The following ADAMTSL3 variants were observed in gnomAD, a reference collection of about 807,000 sequenced individuals.
The protein encoded by ADAMTSL3 is ADAMTS-like protein 3.
A neutral mutation model predicts 201.7 loss-of-function variants in ADAMTSL3; 128 were observed. That is an observed-to-expected ratio of 0.63 (90% CI 0.55 to 0.73). ADAMTSL3 has a LOEUF of 0.73. Ranked by LOEUF, ADAMTSL3 falls within the 30% of genes least tolerant of loss-of-function variation. ADAMTSL3 has a pLI of 0.00. For synonymous variants in ADAMTSL3, 738 were observed against 748.4 expected, an observed-to-expected ratio of 0.99 and a Z score of 0.23; for missense variants, 1,990 against 2,119.6, an observed-to-expected ratio of 0.94 and a Z score of 1.20.
intron 4 of ADAMTSL3, among the ~76,000 whole-genome samples, chr15:83,794,841 T>C (rs2063398211): frequency 6.6e-6 from 1 of 152,036 alleles, no homozygotes; most frequent in African/African-American, 2.4e-5. Context: ...TACAAATGCA[T>C]GTGATTTACA....
intron 19 of ADAMTSL3, among the ~76,000 whole-genome samples, chr15:83,957,681 A>C (rs946510015): frequency 2.6e-5 from 4 of 152,300 alleles, no homozygotes; most frequent in East Asian, 1.9e-4. Flanking sequence ...TAGAAAGAAG[A>C]AGCATATTCA....
intron 26 of ADAMTSL3, 109 bp from the exon 27 acceptor site, chr15:84,025,129 C>A: frequency 1.1e-6 from 1 of 876,836 alleles, no homozygotes. Flanking sequence ...AGACATGTGA[C>A]AGCCTAAGAT....
chr15:83,665,481 G>A (rs960046605), intron 2 of ADAMTSL3, among the ~76,000 whole-genome samples: 1 of 152,174 alleles, frequency 6.6e-6, no homozygotes, highest in African/African-American at 2.4e-5. Flanking sequence ...AAGGAAAGCA[G>A]CCAGGAGAAA....
chr15:83,839,871 C>T (rs1371151834), intron 7 of ADAMTSL3, among the ~76,000 whole-genome samples: 2 of 152,114 alleles, frequency 1.3e-5, no homozygotes, highest in Non-Finnish European at 2.9e-5. Flanking sequence ...CTCCACCTCC[C>T]TGAATTTTAT....
At chr15:84,006,265 C>A (rs1485250074) in intron 23 of ADAMTSL3, among the ~76,000 whole-genome samples, 1 of 152,084 alleles carries the variant, frequency 6.6e-6, no homozygotes, top group African/African-American at 2.4e-5. Flanking sequence ...CATGATTCCC[C>A]AGAGATAACT....
chr15:83,919,295 G>T (rs1057215003), intron 16 of ADAMTSL3, among the ~76,000 whole-genome samples: 2 of 152,134 alleles, frequency 1.3e-5, no homozygotes, highest in Non-Finnish European at 2.9e-5. Flanking sequence ...AAGTCTTGAG[G>T]AAATTCAACA....
At chr15:83,729,434 C>T (rs944637672) in intron 3 of ADAMTSL3, among the ~76,000 whole-genome samples, 24 of 145,340 alleles carry the variant, frequency 1.7e-4, no homozygotes, top group Admixed American at 1.6e-3. Context: ...AGGCATATGT[C>T]GTTATTTTTT....
intron 3 of ADAMTSL3, among the ~76,000 whole-genome samples, chr15:83,722,503 G>GA (rs2062114952): frequency 6.6e-6 from 1 of 152,138 alleles, no homozygotes; most frequent in Non-Finnish European, 1.5e-5. Context: ...TGTAGAAACA[G>GA]AAAAAATTAT....
At chr15:83,815,941 G>T (rs975246396) in intron 5 of ADAMTSL3, among the ~76,000 whole-genome samples, 1 of 152,298 alleles carries the variant, frequency 6.6e-6, no homozygotes, top group Non-Finnish European at 1.5e-5. Flanking sequence ...AGCATGATCC[G>T]GATATCAGGC....
At chr15:83,748,919 G>A (rs989888194) in intron 3 of ADAMTSL3, among the ~76,000 whole-genome samples, 1 of 152,054 alleles carries the variant, frequency 6.6e-6, no homozygotes, top group Non-Finnish European at 1.5e-5. Context: ...GGTTTTCCAG[G>A]GAGCAGACCC....
chr15:83,989,956 C>G (rs1281279168), intron 22 of ADAMTSL3, among the ~76,000 whole-genome samples: 1 of 152,204 alleles, frequency 6.6e-6, no homozygotes, highest in Non-Finnish European at 1.5e-5. Flanking sequence ...CATTTTCTCT[C>G]TTGAGACTTT....
Position 84,039,115 on chromosome 15 carries a change from G to C in ADAMTSL3, c.*1309G>C, listed in dbSNP as rs1337249045. 2.6e-5 allele frequency: 4 copies of C among 152,418 alleles called. No homozygotes were observed. Among genetic ancestry groups the C allele is most frequent in the African/African-American group, 9.7e-5 (4 of 41,428 alleles). The allele number at this position is 152,418 out of a possible 1,614,324, so 9.4% of individuals were successfully genotyped here. On this transcript the variant is annotated 3_prime_UTR_variant, in exon 30 of 30. Transcript: ENST00000286744. ...GATTTGGTTATGGGGTCTTTCCCCTGTATACTACCAGTTGTGTCTTTAGAT... is the reference window on the plus strand; with the variant it reads ...GATTTGGTTATGGGGTCTTTCCCCTCTATACTACCAGTTGTGTCTTTAGAT...
chr15:83,939,911 C>A (rs962496481), intron 17 of ADAMTSL3, among the ~76,000 whole-genome samples: 9 of 152,052 alleles, frequency 5.9e-5, no homozygotes, highest in African/African-American at 2.2e-4. Flanking sequence ...CATGAGCCAC[C>A]GCACCCCGCC....
intron 23 of ADAMTSL3, among the ~76,000 whole-genome samples, chr15:83,992,848 G>C (rs1376664098): frequency 6.6e-6 from 1 of 152,180 alleles, no homozygotes; most frequent in Non-Finnish European, 1.5e-5. Flanking sequence ...CAGCCCTCCT[G>C]CCCTGTGCTG....
intron 4 of ADAMTSL3, among the ~76,000 whole-genome samples, chr15:83,799,182 G>A (rs1353425137): frequency 6.6e-6 from 1 of 152,160 alleles, no homozygotes; most frequent in Non-Finnish European, 1.5e-5. Flanking sequence ...GAGGAATATG[G>A]AGGTGATTAC....
intron 17 of ADAMTSL3, among the ~76,000 whole-genome samples, chr15:83,942,256 A>G (rs1216141308): frequency 6.6e-6 from 1 of 152,200 alleles, no homozygotes; most frequent in African/African-American, 2.4e-5. Flanking sequence ...TTTGACACCT[A>G]TATAAATCAT....
intron 2 of ADAMTSL3, among the ~76,000 whole-genome samples, chr15:83,660,582 C>T (rs181473975): frequency 2.0e-5 from 3 of 152,144 alleles, no homozygotes; most frequent in Admixed American, 6.5e-5. Flanking sequence ...TGAGAAGTCT[C>T]ATTTCAGTAA....
intron 2 of ADAMTSL3, among the ~76,000 whole-genome samples, chr15:83,683,973 C>A (rs979592907): frequency 5.9e-5 from 9 of 152,096 alleles, no homozygotes; most frequent in Non-Finnish European, 1.2e-4. Flanking sequence ...ATGTTTTCTC[C>A]CTTGCATAAT....
intron 11 of ADAMTSL3, 29 bp downstream of exon 11, chr15:83,890,276 C>T: frequency 6.2e-7 from 1 of 1,607,436 alleles, no homozygotes; most frequent in Non-Finnish European, 8.5e-7. Context: ...ACCCTTTTTA[C>T]TTCAAAAAGA....
Sources: allele counts gnomAD v4.1 joint callset (sites outside exome capture counted in the v4.1 genomes callset), GRCh38; gene constraint gnomAD v4.1.1; transcripts MANE v1.5; gene names NCBI Gene and HGNC (gene_info 2026-07-23, HGNC 2026-07-21).